Variants in EFNA5 observed in about 807,000 individuals in gnomAD.
EFNA5 encodes the protein ephrin-A5.
In EFNA5, 5 loss-of-function variants were observed where a neutral mutation model predicts 22.9. That is an observed-to-expected ratio of 0.22 (90% CI 0.11 to 0.46). The LOEUF is 0.46. EFNA5 is among the 20% of genes least tolerant of loss of function. The pLI is 0.99. For synonymous variants in EFNA5, 113 were observed against 112.2 expected (o/e 1.01, Z -0.04); for missense variants, 237 against 293.3 (o/e 0.81, Z 1.40).
intron 1 of EFNA5, among the ~76,000 whole-genome samples, chr5:107,546,560 C>A (rs1748161362): frequency 6.6e-6 from 1 of 152,044 alleles, no homozygotes; most frequent in African/African-American, 2.4e-5. Context: ...ATTACAAGGG[C>A]TCAATGGCAG....
intron 1 of EFNA5, among the ~76,000 whole-genome samples, chr5:107,631,208 T>C (rs1013640484): frequency 1.3e-5 from 2 of 151,932 alleles, no homozygotes; most frequent in Non-Finnish European, 2.9e-5. Flanking sequence ...CCATTATAAA[T>C]GTAGTCCTTT....
rs1747385940 is a variant in EFNA5 at position 107,379,869 on chromosome 5, G to A, written c.*1386C>T. ...CATATATACTCACTCTCAGCATAAA[G>A]TATATCTAAATAATGTATTTTCTAT... On this transcript the variant is annotated 3_prime_UTR_variant, in exon 5 of 5. Transcript: ENST00000333274. The A allele has an allele frequency of 6.6e-6, 1 of 151,830 alleles. No individual in the cohort carries two copies. Among genetic ancestry groups the A allele is most frequent in the Non-Finnish European group, 1.5e-5 (1 of 68,006 alleles). The allele number at this position is 151,830 out of a possible 1,614,324, so 9.4% of individuals were successfully genotyped here. A position where few individuals can be genotyped will look rare whatever the true frequency, so the allele number is the denominator to read the frequency against.
chr5:107,520,323 A>G (rs1472744471), intron 1 of EFNA5, among the ~76,000 whole-genome samples: 1 of 152,160 alleles, frequency 6.6e-6, no homozygotes, highest in Non-Finnish European at 1.5e-5. Context: ...GGGGCCCTTC[A>G]CTCTCAATAC....
chr5:107,503,615 C>G (rs777076727), intron 1 of EFNA5, among the ~76,000 whole-genome samples: 3 of 152,160 alleles, frequency 2.0e-5, no homozygotes, highest in Non-Finnish European at 2.9e-5. Context: ...CTGTGCCACC[C>G]ACACAAATCA....
chr5:107,451,561 T>A (rs375677106), intron 1 of EFNA5, among the ~76,000 whole-genome samples: 1 of 152,152 alleles, frequency 6.6e-6, no homozygotes, highest in East Asian at 1.9e-4. Flanking sequence ...TTTAGATAGA[T>A]AGACAGATAA....
chr5:107,410,531 A>C (rs961050751), intron 2 of EFNA5, among the ~76,000 whole-genome samples: 1 of 152,164 alleles, frequency 6.6e-6, no homozygotes, highest in Admixed American at 6.5e-5. Context: ...AATCCATGGA[A>C]GTCAGTTCCC....
chr5:107,652,731 A>C (rs989516125), intron 1 of EFNA5, among the ~76,000 whole-genome samples: 2 of 152,146 alleles, frequency 1.3e-5, no homozygotes, highest in Non-Finnish European at 2.9e-5. Flanking sequence ...TTACTTTTCT[A>C]GTTAGTAAAT....
At chr5:107,626,544 C>T (rs182459792) in intron 1 of EFNA5, among the ~76,000 whole-genome samples, 1 of 152,092 alleles carries the variant, frequency 6.6e-6, no homozygotes, top group South Asian at 2.1e-4. Context: ...CCTCCCAAAG[C>T]CCTGGGACTG....
chr5:107,489,377 A>T lies in EFNA5; in HGVS notation c.126-61868T>A, dbSNP rs143538793. Among the ~76,000 whole-genome samples the T allele has an allele frequency of 5.5e-3, 837 of 151,634 alleles. 10 individuals are homozygous for T. Among genetic ancestry groups the T allele is most frequent in the African/African-American group, 0.02 (809 of 41,340 alleles). ...TTAGTAGAGACAGGGTTTTACCAAG[A>T]CCAGGCTGGTCTCAAAATCCTGACC... On this transcript the variant is annotated intron_variant, in intron 1 of 4. Coordinates refer to ENST00000333274, the MANE Select transcript of EFNA5 (RefSeq NM_001962.3).
At chr5:107,640,752 A>C (rs1186350660) in intron 1 of EFNA5, among the ~76,000 whole-genome samples, 1 of 152,202 alleles carries the variant, frequency 6.6e-6, no homozygotes, top group Non-Finnish European at 1.5e-5. Context: ...TAAGCTACAA[A>C]TGCTTTCCTA....
chr5:107,527,510 C>T (rs557046475), intron 1 of EFNA5, among the ~76,000 whole-genome samples: 8 of 152,116 alleles, frequency 5.3e-5, no homozygotes, highest in Admixed American at 1.3e-4. Context: ...TTATCTTGAA[C>T]GCCTGACCTT....
chr5:107,560,997 T>A (rs1417775759), intron 1 of EFNA5, among the ~76,000 whole-genome samples: 1 of 152,218 alleles, frequency 6.6e-6, no homozygotes. Context: ...CTATGAGACA[T>A]GAGACTTTAT....
At chr5:107,624,190 C>T (rs557822868) in intron 1 of EFNA5, among the ~76,000 whole-genome samples, 2 of 152,172 alleles carry the variant, frequency 1.3e-5, no homozygotes, top group African/African-American at 4.8e-5. Context: ...GTAATATTAA[C>T]TCAAAGGCAA....
intron 1 of EFNA5, among the ~76,000 whole-genome samples, chr5:107,557,227 C>T (rs1580529123): frequency 2.0e-5 from 3 of 152,004 alleles, no homozygotes; most frequent in Non-Finnish European, 2.9e-5. Context: ...ATGCCTGGTA[C>T]GTGGGAGGTG....
intron 1 of EFNA5, among the ~76,000 whole-genome samples, chr5:107,661,298 C>T (rs1334967134): frequency 5.9e-5 from 9 of 152,068 alleles, no homozygotes; most frequent in African/African-American, 1.4e-4. Context: ...AGAAGCCATC[C>T]GGAAGCCACA....
At chr5:107,524,232 A>G (rs1747651839) in intron 1 of EFNA5, among the ~76,000 whole-genome samples, 1 of 152,232 alleles carries the variant, frequency 6.6e-6, no homozygotes, top group Non-Finnish European at 1.5e-5. Flanking sequence ...TGTTCCTGGC[A>G]GGCCAGATTT....
At chr5:107,484,162 G>A (rs1435509012) in intron 1 of EFNA5, among the ~76,000 whole-genome samples, 1 of 152,156 alleles carries the variant, frequency 6.6e-6, no homozygotes, top group African/African-American at 2.4e-5. Flanking sequence ...TAACACAGCT[G>A]CGACTCTGCA....
At chr5:107,400,671 A>G (rs1458691689) in intron 2 of EFNA5, among the ~76,000 whole-genome samples, 3 of 152,248 alleles carry the variant, frequency 2.0e-5, no homozygotes, top group African/African-American at 2.4e-5. Context: ...GTAGGAGTGA[A>G]TAAGCGAATG....
At chr5:107,519,521 T>C (rs890051081) in intron 1 of EFNA5, among the ~76,000 whole-genome samples, 3 of 152,222 alleles carry the variant, frequency 2.0e-5, no homozygotes, top group African/African-American at 2.4e-5. Context: ...TTCTATATGA[T>C]ACTGAAACAA....
Sources: allele counts gnomAD v4.1 joint callset (sites outside exome capture counted in the v4.1 genomes callset), GRCh38; gene constraint gnomAD v4.1.1; transcripts MANE v1.5; gene names NCBI Gene and HGNC (gene_info 2026-07-23, HGNC 2026-07-21).